Variants in PUM2 observed in about 807,000 individuals in gnomAD.
PUM2 encodes the protein pumilio homolog 2.
Under a neutral mutation model 124.5 loss-of-function variants are expected in PUM2, and 57 were observed. The ratio of observed to expected loss-of-function variants is 0.46; its 90% CI spans 0.37 to 0.57. PUM2 has a LOEUF of 0.57. PUM2 is among the 20% of genes least tolerant of loss of function. PUM2 has a pLI of 0.00. For missense variants in PUM2, 1,065 were observed against 1,290.6 expected (o/e 0.83, Z 2.68); for synonymous variants, 460 against 446.1 (o/e 1.03, Z -0.39).
rs761823474 is a variant in PUM2 at position 20,253,891 on chromosome 2, A to G, written c.2994T>C (p.Tyr998=). The part of the protein sequence containing the change: ...SALYTMMKDQ[Y]ANYVVQKMID... ...TCATCTTTTGAACCACGTAATTGGCATACTGGTCCTTCATCATGGTGTATA... is the reference window on the plus strand; with the variant it reads ...TCATCTTTTGAACCACGTAATTGGCGTACTGGTCCTTCATCATGGTGTATA... Residue 998 remains tyrosine, a synonymous_variant, in exon 20 of 21, where the codon TAT becomes TAC. Coordinates refer to ENST00000361078, the MANE Select transcript of PUM2 (RefSeq NM_015317.5). 2.3e-5 allele frequency: 37 copies of G among 1,614,094 alleles called. No homozygotes were observed. Among genetic ancestry groups the G allele is most frequent in the Non-Finnish European group, 2.5e-5 (29 of 1,179,938 alleles).
chr2:20,255,500 GA>G (rs1664565920), intron 17 of PUM2, among the ~76,000 whole-genome samples, 159 bp from the exon 18 acceptor site: 1 of 151,368 alleles, frequency 6.6e-6, no homozygotes, highest in African/African-American at 2.4e-5. Context: ...CACCATGTTA[GA>G]AAAGACTGGA....
chr2:20,272,179 G>A (rs1160636476), intron 13 of PUM2, among the ~76,000 whole-genome samples: 1 of 143,758 alleles, frequency 7.0e-6, no homozygotes, highest in African/African-American at 2.6e-5. Flanking sequence ...ATGAATGAAT[G>A]AATGAATGAA....
Position 20,256,103 on chromosome 2 carries a change from A to G in PUM2, c.2552T>C (p.Val851Ala). The G allele has an allele frequency of 1.2e-6, 2 of 1,602,918 alleles. No homozygotes were observed. The change falls in exon 17 of 21, where the codon GTT becomes GCT. Residue 851 changes from valine to alanine, a missense_variant. Val to Ala is a moderately conservative substitution (Grantham distance 64). Coordinates refer to ENST00000361078, the MANE Select transcript of PUM2 (RefSeq NM_015317.5). Reference sequence around the variant, plus strand: ...AACACATTCGATACATTTTTGTACAACATGGTTTCCATTCTGATCTTTCAC... The same window carrying G: ...AACACATTCGATACATTTTTGTACAGCATGGTTTCCATTCTGATCTTTCAC... ...KCVKDQNGNH[V>A]VQKCIECVQP...
At chr2:20,342,914 G>T (rs1369015722) in intron 1 of PUM2, among the ~76,000 whole-genome samples, 1 of 152,144 alleles carries the variant, frequency 6.6e-6, no homozygotes, top group East Asian at 1.9e-4. Flanking sequence ...AGGTAGAAAT[G>T]TATGGAGAGA....
At chr2:20,305,074 C>G (rs904713272) in intron 7 of PUM2, among the ~76,000 whole-genome samples, 1 of 152,060 alleles carries the variant, frequency 6.6e-6, no homozygotes, top group Non-Finnish European at 1.5e-5. Flanking sequence ...TTTTGATACA[C>G]TATGCTTTCT....
At position 20,308,574 on chromosome 2, in the gene PUM2, CAGG is replaced by C; in HGVS notation, c.526_528del (p.Pro176del). ...TCAGTTGGAGAGGCTTGACGACTTC[CAGG>C]AGTACGACTACATAAAGAAAATAGA... On this transcript the variant is annotated inframe_deletion, in exon 6 of 21. Transcript: ENST00000361078. The C allele has an allele frequency of 1.2e-6, 2 of 1,610,988 alleles. No homozygotes were observed. Among genetic ancestry groups the C allele is most frequent in the Non-Finnish European group, 1.7e-6 (2 of 1,178,332 alleles).
At chr2:20,269,985 C>T (rs1048705156) in intron 13 of PUM2, among the ~76,000 whole-genome samples, 3 of 152,120 alleles carry the variant, frequency 2.0e-5, no homozygotes, top group African/African-American at 4.8e-5. Context: ...CAATAACCCA[C>T]CCTGTCAATT....
chr2:20,281,642 G>A (rs188455823), intron 12 of PUM2, among the ~76,000 whole-genome samples: 6 of 152,256 alleles, frequency 3.9e-5, no homozygotes, highest in East Asian at 1.9e-4. Flanking sequence ...ATGGGAGTGC[G>A]TGAGGTGGAC....
chr2:20,281,611 T>C (rs998828234), intron 12 of PUM2, among the ~76,000 whole-genome samples: 3 of 152,154 alleles, frequency 2.0e-5, no homozygotes, highest in Non-Finnish European at 4.4e-5. Context: ...CCAATTGTGT[T>C]AGAAACAAGG....
intron 20 of PUM2, among the ~76,000 whole-genome samples, chr2:20,253,187 C>T (rs1436349552): frequency 2.0e-5 from 3 of 152,026 alleles, no homozygotes; most frequent in African/African-American, 7.2e-5. Context: ...GAATATGATT[C>T]CTTAAGAATT....
chr2:20,262,301 C>A (rs1666488108), intron 14 of PUM2, among the ~76,000 whole-genome samples: 2 of 152,242 alleles, frequency 1.3e-5, no homozygotes, highest in Non-Finnish European at 2.9e-5. Flanking sequence ...GTCCCCTACA[C>A]ACGCATATGA....
intron 10 of PUM2, among the ~76,000 whole-genome samples, chr2:20,286,096 T>C (rs1165607712): frequency 6.6e-6 from 1 of 152,170 alleles, no homozygotes; most frequent in African/African-American, 2.4e-5. Context: ...ACTTGAGCTT[T>C]TACTCTGACT....
At chr2:20,345,807 G>A (rs977109286) in intron 1 of PUM2, among the ~76,000 whole-genome samples, 1 of 152,196 alleles carries the variant, frequency 6.6e-6, no homozygotes, top group South Asian at 2.1e-4. Flanking sequence ...GGGAGGCGGA[G>A]GTTGCAGTGA....
At chr2:20,313,009 A>G (rs1680002484) in intron 3 of PUM2, among the ~76,000 whole-genome samples, 1 of 152,246 alleles carries the variant, frequency 6.6e-6, no homozygotes, top group Non-Finnish European at 1.5e-5. Flanking sequence ...CTGGCTAGCC[A>G]TATGTAGAAA....
chr2:20,339,245 G>A (rs1235059659), intron 1 of PUM2, among the ~76,000 whole-genome samples: 1 of 151,928 alleles, frequency 6.6e-6, no homozygotes, highest in East Asian at 1.9e-4. Context: ...TGCATGCAAG[G>A]TGGTACATAT....
chr2:20,311,479 A>T lies in PUM2; in HGVS notation c.518+15T>A. 1.3e-6 allele frequency: 2 copies of T among 1,594,138 alleles called. No individual in the cohort carries two copies. The highest frequency in any genetic ancestry group is 1.7e-6 in the Non-Finnish European group (2 of 1,171,084). ...AAAAGATACGCTTTTCTTCTTGAGA[A>T]AGTTAAAATCTTACTTAAAATCTTT... is the stretch of plus-strand genomic sequence containing the variant. On this transcript the variant is annotated intron_variant, in intron 5 of 20. Transcript: ENST00000361078.
At chr2:20,275,913 A>G (rs1417438005) in intron 13 of PUM2, among the ~76,000 whole-genome samples, 1 of 152,124 alleles carries the variant, frequency 6.6e-6, no homozygotes, top group East Asian at 1.9e-4. Context: ...TTTGACTGTG[A>G]TTCAAATGGA....
At chr2:20,336,520 T>TC (rs1244842209) in intron 1 of PUM2, among the ~76,000 whole-genome samples, 1 of 151,586 alleles carries the variant, frequency 6.6e-6, no homozygotes, top group African/African-American at 2.4e-5. Flanking sequence ...AGATATAATT[T>TC]TTTTTTTTTT....
chr2:20,268,851 CTTTT>C (rs1410786064), intron 13 of PUM2, among the ~76,000 whole-genome samples: 10 of 151,858 alleles, frequency 6.6e-5, no homozygotes, highest in Admixed American at 5.9e-4. Context: ...AAGTATAAAT[CTTTT>C]TTTGTTTCTG....
Sources: gnomAD v4.1 joint callset for allele counts (sites outside exome capture counted in the v4.1 genomes callset) on GRCh38, gnomAD v4.1.1 for gene constraint, MANE v1.5 for transcripts, NCBI Gene and HGNC (gene_info 2026-07-23, HGNC 2026-07-21) for gene names.